CNTNAP2: variants seen among roughly 807,000 people sequenced by gnomAD.
The protein encoded by CNTNAP2 is contactin associated protein 2, also known as contactin-associated protein-like 2.
CNTNAP2 carries 98 observed loss-of-function variants against 155.2 expected under a neutral mutation model. That is an observed-to-expected ratio of 0.63 (90% CI 0.54 to 0.75). The LOEUF (loss-of-function observed/expected upper bound fraction) is 0.75. CNTNAP2 is among the 30% of genes least tolerant of loss of function. CNTNAP2 has a pLI of 0.00. For synonymous variants in CNTNAP2, 651 were observed against 631.2 expected (o/e 1.03, Z -0.47); for missense variants, 1,727 against 1,688.1 (o/e 1.02, Z -0.40).
At chr7:146,574,701 A>G (rs1161173234) in intron 1 of CNTNAP2, among the ~76,000 whole-genome samples, 1 of 152,182 alleles carries the variant, frequency 6.6e-6, no homozygotes, top group African/African-American at 2.4e-5. Context: ...CTCCATCTCA[A>G]AAAACAAACA....
chr7:147,341,284 G>A (rs1404536997), intron 9 of CNTNAP2, among the ~76,000 whole-genome samples: 2 of 151,924 alleles, frequency 1.3e-5, no homozygotes, highest in South Asian at 2.1e-4. Flanking sequence ...ACCGGGGCCT[G>A]TCGGTCGGTG....
chr7:146,989,994 A>G (rs1004872949), intron 3 of CNTNAP2, among the ~76,000 whole-genome samples: 4 of 152,092 alleles, frequency 2.6e-5, no homozygotes, highest in Non-Finnish European at 4.4e-5. Flanking sequence ...TCACATAGTT[A>G]TCTGGTCATA....
chr7:146,884,163 T>C (rs1795609170), intron 3 of CNTNAP2, among the ~76,000 whole-genome samples: 1 of 152,270 alleles, frequency 6.6e-6, no homozygotes, highest in Admixed American at 6.5e-5. Flanking sequence ...TGCAGTTAGC[T>C]CTGTGAAATC....
At chr7:146,375,681 G>A (rs747300041) in intron 1 of CNTNAP2, among the ~76,000 whole-genome samples, 8 of 152,088 alleles carry the variant, frequency 5.3e-5, no homozygotes, top group Non-Finnish European at 1.0e-4. Flanking sequence ...TTTTAAAAAG[G>A]CAACCAAACA....
intron 13 of CNTNAP2, among the ~76,000 whole-genome samples, chr7:147,655,666 T>C (rs895237929): frequency 2.0e-5 from 3 of 152,200 alleles, no homozygotes; most frequent in African/African-American, 7.2e-5. Flanking sequence ...TGTAAACAGA[T>C]GTGCTGTCCT....
At chr7:146,270,392 T>C (rs1469209353) in intron 1 of CNTNAP2, among the ~76,000 whole-genome samples, 1 of 152,160 alleles carries the variant, frequency 6.6e-6, no homozygotes, top group East Asian at 1.9e-4. Flanking sequence ...CACCAGATGA[T>C]GTCCTGGTGT....
intron 3 of CNTNAP2, among the ~76,000 whole-genome samples, chr7:146,864,734 A>G (rs1795168539): frequency 6.6e-6 from 1 of 152,094 alleles, no homozygotes; most frequent in Non-Finnish European, 1.5e-5. Context: ...TCAAGCCTGT[A>G]ATCTCAGTGC....
chr7:147,016,074 C>G (rs1476637551), intron 3 of CNTNAP2, among the ~76,000 whole-genome samples: 1 of 152,032 alleles, frequency 6.6e-6, no homozygotes, highest in Non-Finnish European at 1.5e-5. Flanking sequence ...TTTGGGAACA[C>G]CAGAAATTTG....
intron 1 of CNTNAP2, among the ~76,000 whole-genome samples, chr7:146,230,869 G>C (rs2116912854): frequency 6.6e-6 from 1 of 152,164 alleles, no homozygotes; most frequent in South Asian, 2.1e-4. Flanking sequence ...ACAAAAAATA[G>C]CCAACCATGG....
intron 4 of CNTNAP2, among the ~76,000 whole-genome samples, chr7:147,091,715 C>T (rs1457967628): frequency 2.0e-5 from 3 of 151,972 alleles, no homozygotes; most frequent in African/African-American, 7.2e-5. Flanking sequence ...AAGCCATTCT[C>T]CTGCCTCAGC....
chr7:148,385,767 A>T, intron 22 of CNTNAP2, among the ~76,000 whole-genome samples: 1 of 54,190 alleles, frequency 1.8e-5, no homozygotes, highest in Non-Finnish European at 4.5e-5. Context: ...TTTTGGAGAC[A>T]GACAGAGTCT....
At chr7:148,028,433 G>A (rs1802410727) in intron 15 of CNTNAP2, among the ~76,000 whole-genome samples, 1 of 152,136 alleles carries the variant, frequency 6.6e-6, no homozygotes, top group African/African-American at 2.4e-5. Context: ...CTGAACCAAT[G>A]TCTCAGATCA....
intron 21 of CNTNAP2, among the ~76,000 whole-genome samples, chr7:148,276,488 A>G (rs1223877785): frequency 6.6e-6 from 1 of 152,188 alleles, no homozygotes; most frequent in Non-Finnish European, 1.5e-5. Context: ...TTCCTGCGGT[A>G]CTAACTCCCC....
chr7:148,134,976 C>A (rs1368811419), intron 16 of CNTNAP2, among the ~76,000 whole-genome samples: 2 of 151,488 alleles, frequency 1.3e-5, no homozygotes, highest in Non-Finnish European at 2.9e-5. Context: ...TGTTTTGTAA[C>A]CTACTTTTTT....
rs373942697 is a variant in CNTNAP2, at chr7:146,896,352, C to T, written c.402+56448C>T. Among the ~76,000 whole-genome samples the T allele has an allele frequency of 1.7e-3, 259 of 152,180 alleles. 10 individuals are homozygous for T. In the South Asian group the frequency reaches 0.052, roughly 31 times the overall value. On this transcript the variant is annotated intron_variant, in intron 3 of 23. Transcript: ENST00000361727. ...CTTCAACTCTTTTACTTGGGTGATGCCTACTAATCCTTATTATCTCCACTA... is the reference window on the plus strand; with the variant it reads ...CTTCAACTCTTTTACTTGGGTGATGTCTACTAATCCTTATTATCTCCACTA...
intron 1 of CNTNAP2, among the ~76,000 whole-genome samples, chr7:146,297,429 A>C (rs1800532187): frequency 6.6e-6 from 1 of 152,122 alleles, no homozygotes; most frequent in Non-Finnish European, 1.5e-5. Flanking sequence ...AGAAATATAG[A>C]TGGGTGATCA....
At chr7:146,601,150 G>A (rs984593021) in intron 1 of CNTNAP2, among the ~76,000 whole-genome samples, 1 of 152,078 alleles carries the variant, frequency 6.6e-6, no homozygotes, top group Non-Finnish European at 1.5e-5. Flanking sequence ...TACTTACAGA[G>A]TGACTAGAAT....
chr7:148,085,717 TTCCTTCCC>T (rs914403828), intron 15 of CNTNAP2, among the ~76,000 whole-genome samples: 1 of 152,032 alleles, frequency 6.6e-6, no homozygotes, highest in Non-Finnish European at 1.5e-5. Flanking sequence ...CCTTCCTTCC[TTCCTTCCC>T]TCCTTCCTTC....
chr7:146,947,507 GAT>G lies in CNTNAP2; in HGVS notation c.403-96392_403-96391del, dbSNP rs1166318565. Among the ~76,000 whole-genome samples the G allele has an allele frequency of 9.6e-4, 102 of 106,176 alleles. 1 individual carries two copies. The highest frequency in any genetic ancestry group is 3.7e-3 in the African/African-American group (96 of 25,820). 69.7% of individuals were successfully genotyped at this position (106,176 alleles called of 152,430 possible). Reference sequence around the variant, plus strand: ...ATATATATACATATATATCTTTCTAGATATATATAGTGTGTATGTATGTGTGT... The same window carrying G: ...ATATATATACATATATATCTTTCTAGATATATAGTGTGTATGTATGTGTGT... On this transcript the variant is annotated intron_variant, in intron 3 of 23. Coordinates refer to ENST00000361727, the MANE Select transcript of CNTNAP2 (RefSeq NM_014141.6).
Sources: allele counts gnomAD v4.1 joint callset (sites outside exome capture counted in the v4.1 genomes callset), GRCh38; gene constraint gnomAD v4.1.1; transcripts MANE v1.5; gene names NCBI Gene and HGNC (gene_info 2026-07-23, HGNC 2026-07-21).